Variants in CACNB4 observed in about 807,000 individuals in gnomAD.
CACNB4 encodes the protein voltage-dependent L-type calcium channel subunit beta-4.
CACNB4 carries 32 observed loss-of-function variants against 71.2 expected under a neutral mutation model. That is an observed-to-expected ratio of 0.45 (90% CI 0.34 to 0.60). The LOEUF is 0.60. Ranked by LOEUF, CACNB4 falls within the 20% of genes least tolerant of loss-of-function variation. CACNB4 has a pLI of 0.01. For missense variants in CACNB4, 464 were observed against 647.9 expected (o/e 0.72, Z 3.08); for synonymous variants, 231 against 236.9 (o/e 0.97, Z 0.23).
intron 2 of CACNB4, among the ~76,000 whole-genome samples, chr2:151,962,042 C>T (rs115322854): frequency 1.2e-3 from 178 of 152,348 alleles, no homozygotes; most frequent in African/African-American, 4.2e-3. Flanking sequence ...CACTGCATGG[C>T]TAACCGGTAA....
At chr2:151,898,816 G>A (rs1559957626) in intron 2 of CACNB4, among the ~76,000 whole-genome samples, 1 of 152,190 alleles carries the variant, frequency 6.6e-6, no homozygotes, top group African/African-American at 2.4e-5. Context: ...ATTAACAAAT[G>A]TTTGAGTAAC....
chr2:151,908,916 G>C (rs1427672621), intron 2 of CACNB4, among the ~76,000 whole-genome samples: 1 of 151,746 alleles, frequency 6.6e-6, no homozygotes, highest in Non-Finnish European at 1.5e-5. Flanking sequence ...TGGTATTTTA[G>C]ATATTTCCGC....
intron 2 of CACNB4, among the ~76,000 whole-genome samples, chr2:151,928,573 G>A (rs192653663): frequency 3.3e-5 from 5 of 152,278 alleles, no homozygotes; most frequent in Admixed American, 6.5e-5. Flanking sequence ...AGGTAGTTGC[G>A]AAATCAAGCT....
At position 152,011,182 on chromosome 2, in the gene CACNB4, G is replaced by T. The variant is rs563906481; in HGVS notation, c.147+87148C>A. Among the ~76,000 whole-genome samples, 7 of 152,288 alleles carry T rather than the reference G, an allele frequency of 4.6e-5. No homozygotes were observed. The East Asian group carries it at 1.2e-3, about 25-fold the overall frequency. ...TACAGGTGAGAGCCCACCTATCATT[G>T]AGATGAAGTCATCTAGAATTCAAGA... On this transcript the variant is annotated intron_variant, in intron 2 of 13. Coordinates refer to ENST00000539935, the MANE Select transcript of CACNB4 (RefSeq NM_000726.5).
rs189962082 is a variant in CACNB4 at position 151,902,796 on chromosome 2, A to T, written c.148-19426T>A. Reference sequence around the variant, plus strand: ...GTGGAATGAGTTGAGGATAGAAATTAAAAAAAAAAAATCCACCTAGTTTTC... The same window carrying T: ...GTGGAATGAGTTGAGGATAGAAATTTAAAAAAAAAAATCCACCTAGTTTTC... On this transcript the variant is annotated intron_variant, in intron 2 of 13. Transcript: ENST00000539935. 4.6e-4 allele frequency among the ~76,000 whole-genome samples: 68 copies of T among 146,304 alleles called. 1 individual carries two copies. In the East Asian group the frequency reaches 0.011, roughly 24 times the overall value.
intron 2 of CACNB4, among the ~76,000 whole-genome samples, chr2:152,084,991 G>T (rs1284058342): frequency 6.6e-6 from 1 of 152,028 alleles, no homozygotes; most frequent in Non-Finnish European, 1.5e-5. Context: ...TTTAATAAGT[G>T]AACAGCCAAA....
At chr2:152,094,940 T>C (rs992205841) in intron 2 of CACNB4, among the ~76,000 whole-genome samples, 1 of 152,264 alleles carries the variant, frequency 6.6e-6, no homozygotes, top group African/African-American at 2.4e-5. Flanking sequence ...CATTCCTTTC[T>C]AATTTGGGCC....
chr2:152,092,294 T>C (rs898906035), intron 2 of CACNB4, among the ~76,000 whole-genome samples: 1 of 152,278 alleles, frequency 6.6e-6, no homozygotes, highest in Non-Finnish European at 1.5e-5. Context: ...CTTAGAGCTA[T>C]GCGCAAAGCA....
chr2:151,872,068 T>G (rs1485151525), intron 6 of CACNB4: 15 of 266,010 alleles, frequency 5.6e-5, no homozygotes, highest in South Asian at 1.9e-4. Context: ...TTCTTGAGAG[T>G]CTGCATCATT....
chr2:151,925,526 A>T (rs1049248640), intron 2 of CACNB4, among the ~76,000 whole-genome samples: 1 of 152,224 alleles, frequency 6.6e-6, no homozygotes, highest in Non-Finnish European at 1.5e-5. Flanking sequence ...ATAGGAAAAC[A>T]TCTATCATTT....
chr2:151,907,029 ACT>A (rs1469151985), intron 2 of CACNB4, among the ~76,000 whole-genome samples: 4 of 151,520 alleles, frequency 2.6e-5, no homozygotes, highest in Admixed American at 1.3e-4. Flanking sequence ...TAGCTTGTGT[ACT>A]CTGAGGTGAA....
intron 2 of CACNB4, among the ~76,000 whole-genome samples, chr2:152,024,210 C>T (rs1171853228): frequency 6.6e-6 from 1 of 152,168 alleles, no homozygotes; most frequent in Non-Finnish European, 1.5e-5. Flanking sequence ...GTAGTCCTAG[C>T]TACTCAGGAG....
At position 151,872,805 on chromosome 2, in the gene CACNB4, A is replaced by G. The variant is rs1197227410; in HGVS notation, c.522-312T>C. 5 of 200,894 alleles carry G rather than the reference A, an allele frequency of 2.5e-5. No homozygotes were observed. In the South Asian group the frequency reaches 4.1e-4, roughly 17 times the overall value. 12.4% of individuals were successfully genotyped at this position (200,894 alleles called of 1,614,324 possible). ...CTTGTTAACCTAACACCAGGCACCA[A>G]TGTGCCAGTCAGATGTCAAACACAG... On this transcript the variant is annotated intron_variant, in intron 5 of 13. Coordinates refer to ENST00000539935, the MANE Select transcript of CACNB4 (RefSeq NM_000726.5).
chr2:152,035,111 G>T (rs1013092708), intron 2 of CACNB4, among the ~76,000 whole-genome samples: 1 of 152,178 alleles, frequency 6.6e-6, no homozygotes, highest in Non-Finnish European at 1.5e-5. Flanking sequence ...GGAAAGTGAC[G>T]TTCAGTGAGA....
intron 2 of CACNB4, among the ~76,000 whole-genome samples, chr2:151,946,729 C>T (rs916328829): frequency 6.6e-6 from 1 of 152,098 alleles, no homozygotes; most frequent in Admixed American, 6.5e-5. Context: ...AAAGCAGGGC[C>T]AGCATGTCCC....
chr2:151,927,819 C>T (rs769658501), intron 2 of CACNB4, among the ~76,000 whole-genome samples: 1 of 152,224 alleles, frequency 6.6e-6, no homozygotes, highest in East Asian at 1.9e-4. Context: ...GGCTGATGGG[C>T]TGGAAAATAA....
In CACNB4 at chr2:151,835,532, C is replaced by A. The variant is rs189387668; in HGVS notation, c.*3587G>T. On this transcript the variant is annotated 3_prime_UTR_variant, in exon 14 of 14. Transcript: ENST00000539935. ...CTACAATGGTATTACATTTTTTAAG[C>A]AAATACCAAAATAAAACTGTGTAAC... is the stretch of plus-strand genomic sequence containing the variant. The A allele has an allele frequency of 3.3e-5, 5 of 151,750 alleles. No homozygotes were observed. Among genetic ancestry groups the A allele is most frequent in the Admixed American group, 3.3e-4 (5 of 15,256 alleles). The allele number at this position is 151,750 out of a possible 1,614,324, so 9.4% of individuals were successfully genotyped here.
chr2:151,981,720 C>T (rs1053747166), intron 2 of CACNB4, among the ~76,000 whole-genome samples: 2 of 152,050 alleles, frequency 1.3e-5, no homozygotes, highest in Admixed American at 6.6e-5. Context: ...TGATGCAGTG[C>T]CTATTACAAC....
rs2099834912 is a variant in CACNB4 at position 151,836,458 on chromosome 2, A to T, written c.*2661T>A. On this transcript the variant is annotated 3_prime_UTR_variant, in exon 14 of 14. Transcript: ENST00000539935. ...AATAAACTCTTAAGTCTTTAAAAAA[A>T]ATAAGATGTATATCCCCTTATTTGA... is the stretch of plus-strand genomic sequence containing the variant. 1 of 151,916 alleles carries T rather than the reference A, an allele frequency of 6.6e-6. No individual in the cohort carries two copies. Among genetic ancestry groups the T allele is most frequent in the Admixed American group, 6.6e-5 (1 of 15,250 alleles). The allele number at this position is 151,916 out of a possible 1,614,324, so 9.4% of individuals were successfully genotyped here.
Sources: gnomAD v4.1 joint callset for allele counts (sites outside exome capture counted in the v4.1 genomes callset) on GRCh38, gnomAD v4.1.1 for gene constraint, MANE v1.5 for transcripts, NCBI Gene and HGNC (gene_info 2026-07-23, HGNC 2026-07-21) for gene names.